The following SCPPPQ1 variants were observed in gnomAD, a reference collection of about 807,000 sequenced individuals.
SCPPPQ1 encodes secretory calcium-binding phosphoprotein proline-glutamine rich 1.
chr4:87,461,085 T>C, the SCPPPQ1 span: 1 of 152,770 alleles, frequency 6.5e-6, no homozygotes, highest in East Asian at 1.9e-4. Flanking sequence ...ATTTTCCTTA[T>C]GTCTTATGTA....
the SCPPPQ1 span, among the ~76,000 whole-genome samples, chr4:87,462,474 TTTC>T: frequency 5.2e-5 from 1 of 19,330 alleles, no homozygotes; most frequent in Non-Finnish European, 1.1e-4. Flanking sequence ...TCTCCACGTT[TTTC>T]TTTCTTTCTT....
chr4:87,467,542 C>G, the SCPPPQ1 span, among the ~76,000 whole-genome samples: 1 of 152,260 alleles, frequency 6.6e-6, no homozygotes, highest in Admixed American at 6.5e-5. Flanking sequence ...AGAGTAAGCT[C>G]GTAACGGTCA....
At chr4:87,461,038 A>G in the SCPPPQ1 span, 2 of 152,650 alleles carry the variant, frequency 1.3e-5, no homozygotes, top group Admixed American at 6.5e-5. Flanking sequence ...AGGAAGATCT[A>G]TCTGCTATAT....
At chr4:87,462,187 T>A in the SCPPPQ1 span, 1 of 152,204 alleles carries the variant, frequency 6.6e-6, no homozygotes, top group African/African-American at 2.4e-5. Flanking sequence ...ATAAATTGAA[T>A]CCTTAACTGT....
the SCPPPQ1 span, among the ~76,000 whole-genome samples, chr4:87,465,270 C>T: frequency 6.6e-6 from 1 of 152,028 alleles, no homozygotes; most frequent in Non-Finnish European, 1.5e-5. Flanking sequence ...ACTGGTTGGT[C>T]CCTGGGTTTA....
the SCPPPQ1 span, among the ~76,000 whole-genome samples, chr4:87,465,875 T>C: frequency 6.6e-6 from 1 of 151,156 alleles, no homozygotes; most frequent in African/African-American, 2.4e-5. Flanking sequence ...AATGTGTTGA[T>C]AGTTTTTACA....
chr4:87,462,552 G>A, the SCPPPQ1 span, among the ~76,000 whole-genome samples: 1 of 152,050 alleles, frequency 6.6e-6, no homozygotes, highest in Non-Finnish European at 1.5e-5. Flanking sequence ...GAAAGTCAAA[G>A]TAGAAGTCAA....
chr4:87,470,823 C>T, the SCPPPQ1 span, among the ~76,000 whole-genome samples: 2 of 152,112 alleles, frequency 1.3e-5, no homozygotes, highest in African/African-American at 4.8e-5. Context: ...ATTTAGGCAA[C>T]TTATTTCCCT....
the SCPPPQ1 span, among the ~76,000 whole-genome samples, chr4:87,470,534 A>G: frequency 6.6e-6 from 1 of 152,216 alleles, no homozygotes; most frequent in Non-Finnish European, 1.5e-5. Flanking sequence ...TTCAGATTCA[A>G]TAAAGGAAAT....
chr4:87,462,946 C>G, the SCPPPQ1 span, among the ~76,000 whole-genome samples: 1 of 148,690 alleles, frequency 6.7e-6, no homozygotes, highest in African/African-American at 2.5e-5. Context: ...TTGCAGTGAG[C>G]CGAGATCACG....
At chr4:87,467,146 C>T in the SCPPPQ1 span, among the ~76,000 whole-genome samples, 11 of 152,080 alleles carry the variant, frequency 7.2e-5, no homozygotes, top group Admixed American at 2.0e-4. Flanking sequence ...ATTTGTGTCT[C>T]GAAATACTTA....
At chr4:87,465,062 C>T in the SCPPPQ1 span, among the ~76,000 whole-genome samples, 1 of 152,054 alleles carries the variant, frequency 6.6e-6, no homozygotes, top group Non-Finnish European at 1.5e-5. Context: ...AATAAGAATG[C>T]ATTTTACCCC....
the SCPPPQ1 span, among the ~76,000 whole-genome samples, chr4:87,465,594 TTGTG>T: frequency 7.8e-6 from 1 of 128,554 alleles, no homozygotes; most frequent in Non-Finnish European, 1.6e-5. Context: ...AAAAAGTAAA[TTGTG>T]AATGAAACTG....
the SCPPPQ1 span, among the ~76,000 whole-genome samples, chr4:87,463,327 A>AAC: frequency 0.019 from 2,947 of 151,614 alleles, 104 homozygotes; most frequent in African/African-American, 0.068. Context: ...TTAAAAAAAA[A>AAC]AACAACAAAA....
the SCPPPQ1 span, among the ~76,000 whole-genome samples, chr4:87,462,879 T>C: frequency 1.3e-3 from 191 of 151,536 alleles, 1 homozygote; most frequent in African/African-American, 4.3e-3. Flanking sequence ...ATGCTTGTAA[T>C]ACCAGCTACT....
At chr4:87,463,336 A>C in the SCPPPQ1 span, among the ~76,000 whole-genome samples, 298 of 152,136 alleles carry the variant, frequency 2.0e-3, 1 homozygote, top group East Asian at 7.7e-3. Context: ...AAAACAACAA[A>C]AAAAAATTTA....
chr4:87,462,081 G>A, the SCPPPQ1 span: 1 of 152,138 alleles, frequency 6.6e-6, no homozygotes, highest in African/African-American at 2.4e-5. Context: ...CTTCACCCAT[G>A]CCTCCCATTT....
At chr4:87,464,773 G>C in the SCPPPQ1 span, among the ~76,000 whole-genome samples, 1 of 152,150 alleles carries the variant, frequency 6.6e-6, no homozygotes, top group Non-Finnish European at 1.5e-5. Flanking sequence ...GGGAGGTGGA[G>C]GTTGCAGTGA....
At chr4:87,466,382 C>T in the SCPPPQ1 span, among the ~76,000 whole-genome samples, 12 of 151,784 alleles carry the variant, frequency 7.9e-5, no homozygotes, top group Non-Finnish European at 1.0e-4. Context: ...AAAACAAAAA[C>T]GAAAACAAAA....
Sources: gnomAD v4.1 joint callset for allele counts (sites outside exome capture counted in the v4.1 genomes callset) on GRCh38, gnomAD v4.1.1 for gene constraint, MANE v1.5 for transcripts, NCBI Gene and HGNC (gene_info 2026-07-23, HGNC 2026-07-21) for gene names.